Variants in ST3GAL3 observed in about 807,000 individuals in gnomAD.
ST3GAL3 encodes the protein ST3 beta-galactoside alpha-2,3-sialyltransferase 3.
In ST3GAL3, 21 loss-of-function variants were observed where a neutral mutation model predicts 50.1. That is an observed-to-expected ratio of 0.42 (90% CI 0.30 to 0.60). The LOEUF (loss-of-function observed/expected upper bound fraction) is 0.60, where lower values mean the gene tolerates loss of function less well. Among genes scored for constraint, ST3GAL3 ranks in the 20% least tolerant of loss-of-function variants. The pLI is 0.19. For synonymous variants in ST3GAL3, 183 were observed against 190.0 expected (o/e 0.96, Z 0.30); for missense variants, 353 against 489.4 (o/e 0.72, Z 2.63).
chr1:43,877,196 C>T (rs1264607614), intron 5 of ST3GAL3, among the ~76,000 whole-genome samples: 1 of 152,222 alleles, frequency 6.6e-6, no homozygotes, highest in Non-Finnish European at 1.5e-5. Context: ...CTGAAGAAGG[C>T]AGCTATAGTA....
In ST3GAL3 at chr1:43,920,831, G is replaced by C; in HGVS notation, c.941G>C (p.Cys314Ser). Reference protein sequence around the residue: ...SVAVTMALHGCDEVAVAGFGY... With the variant: ...SVAVTMALHGSDEVAVAGFGY... ...GCAGTGACCATGGCACTACACGGCT[G>C]TGACGAGGTGGCAGTCGCAGGATTT... The change falls in exon 11 of 12, where the codon TGT becomes TCT. Residue 314 changes from cysteine to serine, a missense_variant. Cys to Ser is a moderately radical substitution (Grantham distance 112). Transcript: ENST00000347631. 6.2e-7 allele frequency: 1 copy of C among 1,614,184 alleles called. No individual in the cohort carries two copies. The highest frequency in any genetic ancestry group is 8.5e-7 in the Non-Finnish European group (1 of 1,180,036).
At chr1:43,865,218 C>T (rs2071037481) in intron 5 of ST3GAL3, among the ~76,000 whole-genome samples, 1 of 152,018 alleles carries the variant, frequency 6.6e-6, no homozygotes, top group African/African-American at 2.4e-5. Context: ...CGGGGTTTCA[C>T]CATGTTAGCC....
intron 2 of ST3GAL3, among the ~76,000 whole-genome samples, chr1:43,740,559 G>A (rs1680418999): frequency 6.6e-6 from 1 of 151,838 alleles, no homozygotes; most frequent in African/African-American, 2.4e-5. Flanking sequence ...ACTGAGGAGG[G>A]AGGATTTCTT....
At chr1:43,783,476 A>G (rs989850234) in intron 2 of ST3GAL3, among the ~76,000 whole-genome samples, 14 of 152,196 alleles carry the variant, frequency 9.2e-5, no homozygotes, top group African/African-American at 3.4e-4. Context: ...TTGAGACTCG[A>G]TAGAAAGGTG....
intron 4 of ST3GAL3, 74 bp downstream of exon 4, chr1:43,815,007 C>T: frequency 1.4e-6 from 2 of 1,426,934 alleles, no homozygotes; most frequent in African/African-American, 2.8e-5. Flanking sequence ...TTTGAAGGGT[C>T]AGCTCTCATC....
chr1:43,712,752 G>C (rs1415638924), intron 1 of ST3GAL3, among the ~76,000 whole-genome samples: 2 of 152,180 alleles, frequency 1.3e-5, no homozygotes, highest in Admixed American at 6.6e-5. Context: ...TTTCACACAG[G>C]CAACAATGTG....
At chr1:43,880,298 C>G (rs2074886625) in intron 5 of ST3GAL3, among the ~76,000 whole-genome samples, 3 of 152,184 alleles carry the variant, frequency 2.0e-5, no homozygotes, top group Admixed American at 1.3e-4. Flanking sequence ...AGTCTACACC[C>G]TCACACTACA....
intron 2 of ST3GAL3, among the ~76,000 whole-genome samples, chr1:43,773,519 A>G (rs1453397418): frequency 6.6e-6 from 1 of 152,244 alleles, no homozygotes; most frequent in Admixed American, 6.5e-5. Context: ...TCCCCAGTTT[A>G]CATTTTAACA....
intron 5 of ST3GAL3, chr1:43,840,706 TTC>T (rs2065235342): frequency 6.6e-6 from 1 of 152,238 alleles, no homozygotes; most frequent in East Asian, 1.9e-4. Context: ...GCTTTAAAAT[TTC>T]TCTCTTTTGT....
intron 3 of ST3GAL3, among the ~76,000 whole-genome samples, chr1:43,810,438 AG>A (rs2060428595): frequency 6.6e-6 from 1 of 152,148 alleles, no homozygotes; most frequent in Non-Finnish European, 1.5e-5. Context: ...CATTATGAGA[AG>A]GGTTTGACAG....
In ST3GAL3 at chr1:43,718,185, CTTTTTTTTTT is replaced by C. The variant is rs57506461; in HGVS notation, c.-31+10505_-31+10514del. 2.7e-3 allele frequency among the ~76,000 whole-genome samples: 224 copies of C among 83,384 alleles called. 2 individuals carry two copies. Among genetic ancestry groups the C allele is most frequent in the Non-Finnish European group, 1.9e-3 (89 of 46,286 alleles). 54.7% of individuals were successfully genotyped at this position (83,384 alleles called of 152,430 possible). A position where few individuals can be genotyped will look rare whatever the true frequency, so the allele number is the denominator to read the frequency against. ...ACCACGCCCGGCTCTATCATTAAAT[CTTTTTTTTTT>C]TTTTTTTTTTTTGAGGCAGAGTCTT... On this transcript the variant is annotated intron_variant, in intron 1 of 11. Transcript: ENST00000347631.
intron 7 of ST3GAL3, chr1:43,898,561 T>G (rs377286024): frequency 2.6e-5 from 14 of 545,668 alleles, no homozygotes; most frequent in African/African-American, 2.4e-4. Flanking sequence ...ACACTGGGGC[T>G]GGGACTAGCC....
intron 1 of ST3GAL3, among the ~76,000 whole-genome samples, chr1:43,730,806 C>A (rs1191846529): frequency 6.6e-6 from 1 of 151,870 alleles, no homozygotes; most frequent in Non-Finnish European, 1.5e-5. Context: ...CCTGGCCTCT[C>A]AAAGTGCTAG....
At position 43,825,749 on chromosome 1, in the gene ST3GAL3, G is replaced by A. The variant is rs192166905; in HGVS notation, c.209+10816G>A. ...GACCCTTAGGAAAATGTTTTTGGCC[G>A]CAGGAAGGAAATTTGATTAGAGAGG... On this transcript the variant is annotated intron_variant, in intron 4 of 11. Coordinates refer to ENST00000347631, the MANE Select transcript of ST3GAL3 (RefSeq NM_006279.5). 1.5e-3 allele frequency among the ~76,000 whole-genome samples: 223 copies of A among 152,224 alleles called. 1 individual carries two copies. The highest frequency in any genetic ancestry group is 4.9e-3 in the African/African-American group (203 of 41,520).
chr1:43,781,616 A>T (rs1001935946), intron 2 of ST3GAL3, among the ~76,000 whole-genome samples: 2 of 152,058 alleles, frequency 1.3e-5, no homozygotes, highest in African/African-American at 4.8e-5. Flanking sequence ...CTCAAAAAAA[A>T]AAAAAAGATT....
At chr1:43,861,424 T>G (rs564359902) in intron 5 of ST3GAL3, among the ~76,000 whole-genome samples, 2 of 98,988 alleles carry the variant, frequency 2.0e-5, no homozygotes, top group South Asian at 6.9e-4. Flanking sequence ...GTAATATGTC[T>G]TGGTGTGGAG....
intron 2 of ST3GAL3, among the ~76,000 whole-genome samples, chr1:43,785,575 G>C (rs1162779523): frequency 1.3e-5 from 2 of 152,182 alleles, no homozygotes; most frequent in African/African-American, 2.4e-5. Flanking sequence ...GGAACAGGGA[G>C]AACATTTTGA....
At chr1:43,735,166 T>A (rs558724337) in intron 1 of ST3GAL3, among the ~76,000 whole-genome samples, 22 of 152,052 alleles carry the variant, frequency 1.4e-4, no homozygotes, top group Non-Finnish European at 2.9e-4. Flanking sequence ...TCAGAGGAGT[T>A]GAGAATTGAA....
chr1:43,851,705 T>C (rs2067337882), intron 5 of ST3GAL3: 2 of 1,294,194 alleles, frequency 1.5e-6, no homozygotes, highest in African/African-American at 1.5e-5. Flanking sequence ...GTCAGCATCC[T>C]TGTGGGCCCT....
Sources: gnomAD v4.1 joint callset for allele counts (sites outside exome capture counted in the v4.1 genomes callset) on GRCh38, gnomAD v4.1.1 for gene constraint, MANE v1.5 for transcripts, NCBI Gene and HGNC (gene_info 2026-07-23, HGNC 2026-07-21) for gene names.